Variants in SCN9A observed in about 807,000 individuals in gnomAD.
SCN9A encodes sodium channel protein type 9 subunit alpha.
Under a neutral mutation model 187.0 loss-of-function variants are expected in SCN9A, and 131 were observed. That is an observed-to-expected ratio of 0.70 (90% CI 0.61 to 0.81). SCN9A has a LOEUF of 0.81. SCN9A is among the 30% of genes least tolerant of loss of function. SCN9A has a pLI of 0.00. For synonymous variants in SCN9A, 809 were observed against 808.6 expected (o/e 1.00, Z -0.01); for missense variants, 2,252 against 2,396.6 (o/e 0.94, Z 1.26).
chr2:166,269,325 C>A (rs537408010), intron 17 of SCN9A, among the ~76,000 whole-genome samples: 3 of 151,994 alleles, frequency 2.0e-5, no homozygotes, highest in Admixed American at 1.3e-4. Context: ...AGATAGCTAA[C>A]CATTATGACA....
chr2:166,349,387 A>G (rs1256565222), intron 1 of SCN9A, among the ~76,000 whole-genome samples: 2 of 152,226 alleles, frequency 1.3e-5, no homozygotes, highest in Non-Finnish European at 2.9e-5. Flanking sequence ...GAAAAAAGTC[A>G]CAAAGTTATG....
chr2:166,370,598 A>C (rs1394429610), intron 1 of SCN9A, among the ~76,000 whole-genome samples: 4 of 151,890 alleles, frequency 2.6e-5, no homozygotes, highest in Non-Finnish European at 5.9e-5. Flanking sequence ...TAATACAGGG[A>C]GTCTAGGTGT....
intron 1 of SCN9A, among the ~76,000 whole-genome samples, chr2:166,315,691 T>A (rs915958278): frequency 6.6e-6 from 1 of 152,178 alleles, no homozygotes; most frequent in African/African-American, 2.4e-5. Context: ...TTGGAAGTTA[T>A]TGTACCAGGC....
rs1693356789 is a variant in SCN9A at position 166,199,215 on chromosome 2, G to A, written c.5424C>T (p.Ala1808=). Residue 1808 remains alanine (A), a synonymous_variant, in exon 27 of 27, where the codon GCC becomes GCT. Coordinates refer to ENST00000642356, the MANE Select transcript of SCN9A (RefSeq NM_001365536.1). ...TTGCTATGAGAAGAGGAGGATCCAG[G>A]GCAGCTGCAAAATCAGAGAGTTTAG... ...EFSKLSDFAA[A]LDPPLLIAKP... is the part of the protein sequence containing the mutation. 1 of 1,614,114 alleles carries A rather than the reference G, an allele frequency of 6.2e-7. No homozygotes were observed. The highest frequency in any genetic ancestry group is 8.5e-7 in the Non-Finnish European group (1 of 1,180,034).
At position 166,311,790 on chromosome 2, in the gene SCN9A, C is replaced by G. The variant is rs758656020; in HGVS notation, c.-34G>C. The G allele has an allele frequency of 6.5e-7, 1 of 1,546,500 alleles. No homozygotes were observed. The highest frequency in any genetic ancestry group is 1.3e-5 in the South Asian group (1 of 77,980). ...CCTGTATATTTTAATTCCTCTTCAG[C>G]TCCTCACATAAGAGGCCTGGATGGA... is the stretch of plus-strand genomic sequence containing the variant. On this transcript the variant is annotated 5_prime_UTR_variant, in exon 2 of 27. Transcript: ENST00000642356.
At chr2:166,208,285 G>GTAAGT (rs1693912565) in intron 24 of SCN9A, among the ~76,000 whole-genome samples, 1 of 152,070 alleles carries the variant, frequency 6.6e-6, no homozygotes, top group South Asian at 2.1e-4. Flanking sequence ...TTGTCCTTGG[G>GTAAGT]TAAGTTTCTT....
chr2:166,362,819 A>G (rs965877226), intron 1 of SCN9A, among the ~76,000 whole-genome samples: 6 of 152,034 alleles, frequency 3.9e-5, no homozygotes, highest in South Asian at 4.1e-4. Flanking sequence ...ACGGTTCACA[A>G]CAATTCAATG....
At chr2:166,373,952 T>C (rs1397644861) in intron 1 of SCN9A, among the ~76,000 whole-genome samples, 2 of 152,216 alleles carry the variant, frequency 1.3e-5, no homozygotes, top group Non-Finnish European at 2.9e-5. Flanking sequence ...GGGTTGATTA[T>C]ATTAAATAAA....
chr2:166,238,884 AT>A (rs1159819974), intron 19 of SCN9A, among the ~76,000 whole-genome samples: 4 of 152,330 alleles, frequency 2.6e-5, no homozygotes, highest in Non-Finnish European at 5.9e-5. Context: ...TCACTGTTCT[AT>A]TCTCTCCATT....
chr2:166,284,616 T>G lies in SCN9A; in HGVS notation c.1811A>C (p.Gln604Pro). ...CAGCATTGGTGGGGACCTACTGGCT[T>G]GGCTGATGTTACTGCTGCGTCGCTC... ...PQERRSSNIS[Q>P]ASRSPPMLPV... is the part of the protein sequence containing the mutation. Residue 604 changes from glutamine (Q) to proline (P), a missense_variant, in exon 12 of 27, where the codon CAA becomes CCA. By Grantham distance (76) the Gln-to-Pro change is moderately conservative (BLOSUM62 -1). Coordinates refer to ENST00000642356, the MANE Select transcript of SCN9A (RefSeq NM_001365536.1). 6.2e-7 allele frequency: 1 copy of G among 1,614,024 alleles called. No homozygotes were observed. Among genetic ancestry groups the G allele is most frequent in the Non-Finnish European group, 8.5e-7 (1 of 1,179,902 alleles).
chr2:166,204,458 C>T lies in SCN9A; in HGVS notation c.4405G>A (p.Gly1469Ser). The T allele has an allele frequency of 6.6e-7, 1 of 1,519,196 alleles. No individual in the cohort carries two copies. The allele number at this position is 1,519,196 out of a possible 1,614,324, so 94.1% of individuals were successfully genotyped here. Residue 1469 changes from glycine to serine, a missense_variant, in exon 25 of 27, where the codon GGT (glycine) becomes AGT (serine). By Grantham distance (56) the Gly-to-Ser change is moderately conservative. This residue lies in a region of SCN9A where 368 missense variants were observed against 408.6 expected (regional missense o/e 0.90). Coordinates refer to ENST00000642356, the MANE Select transcript of SCN9A (RefSeq NM_001365536.1). ...NFNQQKKKLGGQDIFMTEEQK... is the reference protein window; with the variant it reads ...NFNQQKKKLGSQDIFMTEEQK... ...TCTTCTGTCATAAAGATGTCTTGAC[C>T]TCCAAGGTAAAGAAACAAACAAAAA...
chr2:166,371,327 G>A (rs1257486941), intron 1 of SCN9A, among the ~76,000 whole-genome samples: 1 of 152,160 alleles, frequency 6.6e-6, no homozygotes, highest in Non-Finnish European at 1.5e-5. Flanking sequence ...TATGCTTACT[G>A]GCACTGTTCA....
intron 24 of SCN9A, among the ~76,000 whole-genome samples, chr2:166,215,831 T>C (rs1488500205): frequency 6.9e-6 from 1 of 145,444 alleles, no homozygotes; most frequent in Non-Finnish European, 1.5e-5. Flanking sequence ...AAAGAAGTAA[T>C]ATGAATTCTT....
chr2:166,203,568 A>G (rs1285518271), intron 26 of SCN9A, among the ~76,000 whole-genome samples: 1 of 151,966 alleles, frequency 6.6e-6, no homozygotes, highest in Non-Finnish European at 1.5e-5. Flanking sequence ...TATTCTGGCT[A>G]TTAATATTAT....
At chr2:166,307,621 T>C (rs1457301425) in intron 2 of SCN9A, among the ~76,000 whole-genome samples, 1 of 152,198 alleles carries the variant, frequency 6.6e-6, no homozygotes, top group African/African-American at 2.4e-5. Flanking sequence ...AATTTCTTTA[T>C]TTTAGTTATA....
At chr2:166,274,003 C>A (rs1459412590) in intron 16 of SCN9A, among the ~76,000 whole-genome samples, 1 of 152,086 alleles carries the variant, frequency 6.6e-6, no homozygotes, top group African/African-American at 2.4e-5. Flanking sequence ...TGCTAAAAAT[C>A]CCTGAAATGG....
At chr2:166,273,006 A>C (rs1030617517) in intron 16 of SCN9A, 131 bp from the exon 17 acceptor site, 4 of 459,954 alleles carry the variant, frequency 8.7e-6, no homozygotes, top group African/African-American at 4.0e-5. Context: ...GCACCTTTTC[A>C]CACACGGATA....
Position 166,303,302 on chromosome 2 carries a change from C to A in SCN9A, c.689G>T (p.Gly230Val). The A allele has an allele frequency of 3.1e-6, 5 of 1,610,078 alleles. No individual in the cohort carries two copies. Among genetic ancestry groups the A allele is most frequent in the Non-Finnish European group, 4.2e-6 (5 of 1,178,700 alleles). The change falls in exon 7 of 27, where the codon GGC (glycine) becomes GTC (valine). Residue 230 changes from glycine to valine, a missense_variant and splice_region_variant. Physicochemically the swap from Gly to Val is moderately radical, Grantham distance 109. This residue lies in a region of SCN9A where 1,013 missense variants were observed against 997.4 expected (regional missense o/e 1.02). Transcript: ENST00000642356. ...CAAAGCCCCTACAATTGTCTTCAGG[C>A]CTGAAAATGGGAGAAAAAAGTGTTT... ...RALKTISVIPGLKTIVGALIQ... is the reference protein window; with the variant it reads ...RALKTISVIPVLKTIVGALIQ...
At chr2:166,330,188 C>T (rs1246866125) in intron 1 of SCN9A, among the ~76,000 whole-genome samples, 5 of 151,842 alleles carry the variant, frequency 3.3e-5, no homozygotes, top group African/African-American at 1.2e-4. Context: ...TTTTTTTAAC[C>T]TCAAGTTCCA....
Sources: gnomAD v4.1 joint callset for allele counts (sites outside exome capture counted in the v4.1 genomes callset) on GRCh38, gnomAD v4.1.1 for gene constraint, gnomAD v4.1.1 regional missense constraint, MANE v1.5 for transcripts, NCBI Gene and HGNC (gene_info 2026-07-23, HGNC 2026-07-21) for gene names.